The following TMEM217 variants were observed in gnomAD, a reference collection of about 807,000 sequenced individuals.
The protein encoded by TMEM217 is chromosome 6 open reading frame 128.
For synonymous variants in TMEM217, 76 were observed against 88.3 expected (o/e 0.86, Z 0.78); for missense variants, 204 against 248.8 (o/e 0.82, Z 1.21).
At chr6:37,248,685 A>G (rs1450339014) in intron 1 of TMEM217, among the ~76,000 whole-genome samples, 4 of 152,192 alleles carry the variant, frequency 2.6e-5, no homozygotes, top group African/African-American at 7.2e-5. Flanking sequence ...GAATATCTCT[A>G]TAAGGATGGC....
At chr6:37,247,607 C>T (rs527331725) in intron 1 of TMEM217, among the ~76,000 whole-genome samples, 1 of 152,118 alleles carries the variant, frequency 6.6e-6, no homozygotes, top group East Asian at 1.9e-4. Flanking sequence ...AGGATGGTCT[C>T]GATCTCCTGA....
rs767530044 is a variant in TMEM217 at position 37,231,799 on chromosome 6, AT to A, written c.-11-12759del. Among the ~76,000 whole-genome samples the A allele has an allele frequency of 5.1e-3, 745 of 145,404 alleles. 6 individuals carry two copies. The highest frequency in any genetic ancestry group is 0.04 in the Middle Eastern group (11 of 278). On this transcript the variant is annotated intron_variant, in intron 1 of 1. Coordinates refer to ENST00000357219, the Ensembl canonical transcript of TMEM217. ...TTTTCAATGTAGAGATAAATGTACA[AT>A]TTTTTTTTTTCAGGAAATGGGGCTA...
At chr6:37,222,433 C>T (rs1041147394) in intron 1 of TMEM217, among the ~76,000 whole-genome samples, 4 of 152,204 alleles carry the variant, frequency 2.6e-5, no homozygotes, top group African/African-American at 9.6e-5. Flanking sequence ...GGCAGGAAGC[C>T]GGGGAAGGGG....
exon 1 of TMEM217, chr6:37,258,033 C>A: frequency 6.3e-7 from 1 of 1,575,860 alleles, no homozygotes; most frequent in East Asian, 2.3e-5. Context: ...GATCCTAATC[C>A]CTGAATCCCG....
At chr6:37,239,084 A>G (rs1245885359) in intron 1 of TMEM217, among the ~76,000 whole-genome samples, 3 of 152,232 alleles carry the variant, frequency 2.0e-5, no homozygotes, top group African/African-American at 7.2e-5. Flanking sequence ...GTGAGCCGAG[A>G]TCATGCCACT....
chr6:37,258,120 C>A, exon 1 of TMEM217: 1 of 904,146 alleles, frequency 1.1e-6, no homozygotes, highest in Non-Finnish European at 1.6e-6. Flanking sequence ...GGGCAGCTGT[C>A]AGGCAGCGAA....
At chr6:37,237,739 C>T (rs1764571486) in intron 1 of TMEM217, among the ~76,000 whole-genome samples, 1 of 152,124 alleles carries the variant, frequency 6.6e-6, no homozygotes, top group African/African-American at 2.4e-5. Context: ...ATGGTAGAAT[C>T]TTAACAATGT....
chr6:37,237,143 G>A (rs995511348), intron 1 of TMEM217, among the ~76,000 whole-genome samples: 5 of 152,198 alleles, frequency 3.3e-5, no homozygotes, highest in South Asian at 2.1e-4. Flanking sequence ...TATTCAAGGG[G>A]AGAGGAATTA....
At chr6:37,236,319 C>T (rs548059119) in intron 1 of TMEM217, among the ~76,000 whole-genome samples, 1 of 152,170 alleles carries the variant, frequency 6.6e-6, no homozygotes, top group South Asian at 2.1e-4. Context: ...GTTTTTTAGG[C>T]CCTGAACTAA....
intron 1 of TMEM217, among the ~76,000 whole-genome samples, chr6:37,254,615 C>G (rs976454453): frequency 1.3e-5 from 2 of 152,158 alleles, no homozygotes; most frequent in Non-Finnish European, 2.9e-5. Context: ...ATCATCTTTC[C>G]TAACATAAAA....
intron 1 of TMEM217, among the ~76,000 whole-genome samples, chr6:37,252,638 T>TATA (rs1491426950): frequency 6.9e-5 from 3 of 43,520 alleles, no homozygotes; most frequent in Non-Finnish European, 1.2e-4. Flanking sequence ...TATATATATA[T>TATA]TTTTTTTTTT....
At chr6:37,241,007 T>G (rs1335830684) in intron 1 of TMEM217, among the ~76,000 whole-genome samples, 1 of 152,198 alleles carries the variant, frequency 6.6e-6, no homozygotes, top group Non-Finnish European at 1.5e-5. Flanking sequence ...CTGACCTTTT[T>G]GCAAGTTATG....
chr6:37,249,068 T>C (rs571013693), intron 1 of TMEM217, among the ~76,000 whole-genome samples: 10 of 152,232 alleles, frequency 6.6e-5, no homozygotes, highest in African/African-American at 2.4e-4. Context: ...ACAACACTTG[T>C]CATTGGATTT....
chr6:37,224,393 T>A (rs1455780159), intron 1 of TMEM217, among the ~76,000 whole-genome samples: 1 of 149,074 alleles, frequency 6.7e-6, no homozygotes, highest in Non-Finnish European at 1.5e-5. Context: ...GGTCAGGAGA[T>A]CGAGACCATC....
chr6:37,248,512 G>A (rs1042401767), intron 1 of TMEM217, among the ~76,000 whole-genome samples: 2 of 152,052 alleles, frequency 1.3e-5, no homozygotes, highest in Admixed American at 6.5e-5. Context: ...TCTGCTTCTA[G>A]TTACTTCTCT....
intron 1 of TMEM217, among the ~76,000 whole-genome samples, chr6:37,233,276 C>G (rs918909276): frequency 2.0e-5 from 3 of 152,154 alleles, no homozygotes. Context: ...TAAGTTCCAT[C>G]AACTCTCCTT....
At chr6:37,253,560 G>A (rs937442831) in intron 1 of TMEM217, among the ~76,000 whole-genome samples, 9 of 152,078 alleles carry the variant, frequency 5.9e-5, no homozygotes, top group African/African-American at 2.2e-4. Context: ...AAGCTCTCTT[G>A]CTGTTAAATC....
intron 1 of TMEM217, among the ~76,000 whole-genome samples, chr6:37,250,164 AATATT>A (rs1395392404): frequency 6.6e-6 from 1 of 152,254 alleles, no homozygotes; most frequent in Non-Finnish European, 1.5e-5. Flanking sequence ...AGATGTATAC[AATATT>A]ATGTTACTTA....
At chr6:37,212,884 T>G (rs1420608828), downstream of TMEM217, 5 of 1,515,340 alleles carry the variant, frequency 3.3e-6, no homozygotes, top group Non-Finnish European at 4.5e-6. Flanking sequence ...AATGTGTGTC[T>G]TCTGGTTCAG....
Sources: gnomAD v4.1 joint callset for allele counts (sites outside exome capture counted in the v4.1 genomes callset) on GRCh38, gnomAD v4.1.1 for gene constraint, MANE v1.5 for transcripts, NCBI Gene and HGNC (gene_info 2026-07-23, HGNC 2026-07-21) for gene names.